CSMD1: variants seen among roughly 807,000 people sequenced by gnomAD.
The protein encoded by CSMD1 is CUB and sushi domain-containing protein 1.
Under a neutral mutation model 417.5 loss-of-function variants are expected in CSMD1, and 213 were observed. That is an observed-to-expected ratio of 0.51 (90% CI 0.46 to 0.57). The LOEUF is 0.57. Ranked by LOEUF, CSMD1 falls within the 20% of genes least tolerant of loss-of-function variation. CSMD1 has a pLI of 0.00. For missense variants in CSMD1, 6,923 were observed against 4,529.7 expected, an observed-to-expected ratio of 1.53 and a Z score of -15.17; for synonymous variants, 2,862 against 1,736.8, an observed-to-expected ratio of 1.65 and a Z score of -16.11.
intron 2 of CSMD1, among the ~76,000 whole-genome samples, chr8:4,424,387 A>G (rs1020037435): frequency 3.4e-5 from 5 of 147,606 alleles, no homozygotes; most frequent in Non-Finnish European, 7.4e-5. Context: ...ACAAGCAGAA[A>G]AGTCAGGTGA....
chr8:4,017,960 G>A lies in CSMD1; in HGVS notation c.610+13945C>T, dbSNP rs576165803. Among the ~76,000 whole-genome samples the A allele has an allele frequency of 7.2e-5, 11 of 152,210 alleles. No individual in the cohort carries two copies. The East Asian group carries it at 1.4e-3, about 19-fold the overall frequency. On this transcript the variant is annotated intron_variant, in intron 4 of 69. Coordinates refer to ENST00000635120, the MANE Select transcript of CSMD1 (RefSeq NM_033225.6). ...GTTGCACACAATGGGCAACTATAGC[G>A]GCATGCATTTATACATGTTGCATTT...
chr8:3,262,212 T>C (rs1213661591), intron 26 of CSMD1, among the ~76,000 whole-genome samples: 7 of 101,774 alleles, frequency 6.9e-5, no homozygotes, highest in African/African-American at 2.4e-4. Flanking sequence ...TATATATATA[T>C]ATATATATAT....
chr8:4,609,436 G>A (rs1447926570), intron 2 of CSMD1, among the ~76,000 whole-genome samples: 1 of 152,052 alleles, frequency 6.6e-6, no homozygotes, highest in Non-Finnish European at 1.5e-5. Flanking sequence ...ATGATCTAAA[G>A]CCTCATTCCT....
At chr8:3,050,027 T>C (rs533087832) in intron 50 of CSMD1, among the ~76,000 whole-genome samples, 5 of 151,754 alleles carry the variant, frequency 3.3e-5, no homozygotes, top group Admixed American at 1.3e-4. Context: ...CTTTCTCAGA[T>C]AGTATACAAA....
chr8:3,936,176 G>A (rs577466612), intron 5 of CSMD1, among the ~76,000 whole-genome samples: 6 of 76,610 alleles, frequency 7.8e-5, no homozygotes, highest in African/African-American at 1.9e-4. Context: ...TCAGTTCATA[G>A]GGTTTAAGAA....
At chr8:4,291,160 A>G (rs192477566) in intron 3 of CSMD1, among the ~76,000 whole-genome samples, 42 of 152,246 alleles carry the variant, frequency 2.8e-4, no homozygotes, top group Middle Eastern at 3.4e-3. Context: ...GGGATTATCT[A>G]TATTCTCTTT....
At chr8:4,718,208 C>A (rs1269954759) in intron 1 of CSMD1, among the ~76,000 whole-genome samples, 1 of 152,138 alleles carries the variant, frequency 6.6e-6, no homozygotes, top group Non-Finnish European at 1.5e-5. Context: ...AACTCCTGGG[C>A]TTAAGTGATT....
intron 2 of CSMD1, among the ~76,000 whole-genome samples, chr8:4,598,900 G>C (rs1180073054): frequency 2.0e-5 from 3 of 151,456 alleles, no homozygotes; most frequent in Admixed American, 6.6e-5. Context: ...TTTTTTCCTA[G>C]AGTCAGTGAA....
At chr8:4,026,901 G>C (rs912651799) in intron 4 of CSMD1, among the ~76,000 whole-genome samples, 1 of 151,562 alleles carries the variant, frequency 6.6e-6, no homozygotes, top group Non-Finnish European at 1.5e-5. Context: ...GCTGCTGAGC[G>C]AATTCTTTAA....
intron 18 of CSMD1, among the ~76,000 whole-genome samples, chr8:3,378,185 C>A (rs1394562629): frequency 6.6e-6 from 1 of 152,196 alleles, no homozygotes; most frequent in Non-Finnish European, 1.5e-5. Flanking sequence ...AGAAAATAGT[C>A]TTGGCTAAAC....
chr8:3,643,429 G>A (rs890796545), intron 7 of CSMD1, among the ~76,000 whole-genome samples: 1 of 151,722 alleles, frequency 6.6e-6, no homozygotes, highest in South Asian at 2.1e-4. Flanking sequence ...TGGGCCGGAC[G>A]CCGTGGCTCA....
chr8:4,082,633 C>T (rs865973411), intron 3 of CSMD1, among the ~76,000 whole-genome samples: 2 of 151,932 alleles, frequency 1.3e-5, no homozygotes, highest in African/African-American at 4.8e-5. Context: ...TATTATTACA[C>T]TTTAACTTTT....
At chr8:4,520,122 T>C (rs1404464628) in intron 2 of CSMD1, among the ~76,000 whole-genome samples, 1 of 152,204 alleles carries the variant, frequency 6.6e-6, no homozygotes, top group Non-Finnish European at 1.5e-5. Flanking sequence ...TATTTATACA[T>C]TCATCTGAAA....
chr8:4,985,661 C>G (rs1198371387), intron 1 of CSMD1, among the ~76,000 whole-genome samples: 1 of 152,204 alleles, frequency 6.6e-6, no homozygotes, highest in Non-Finnish European at 1.5e-5. Context: ...AACAAGATGA[C>G]TATTCTCACC....
At chr8:3,730,103 T>C (rs1802754797) in intron 6 of CSMD1, among the ~76,000 whole-genome samples, 1 of 152,104 alleles carries the variant, frequency 6.6e-6, no homozygotes, top group African/African-American at 2.4e-5. Context: ...ACTTTCCCGT[T>C]TGCAAAAGTA....
intron 1 of CSMD1, among the ~76,000 whole-genome samples, chr8:4,952,577 C>G (rs1808824748): frequency 6.6e-6 from 1 of 151,716 alleles, no homozygotes; most frequent in South Asian, 2.1e-4. Flanking sequence ...TAAAATTATC[C>G]ACACTATGAT....
chr8:4,085,148 A>T (rs1220410013), intron 3 of CSMD1, among the ~76,000 whole-genome samples: 2 of 152,168 alleles, frequency 1.3e-5, no homozygotes, highest in Non-Finnish European at 2.9e-5. Flanking sequence ...CCGGCCTTGA[A>T]GGCGTCACCA....
chr8:3,908,165 G>A (rs1808233554), intron 5 of CSMD1, among the ~76,000 whole-genome samples: 2 of 152,108 alleles, frequency 1.3e-5, no homozygotes, highest in Non-Finnish European at 2.9e-5. Context: ...CTGCATTTAT[G>A]CATCAATGAC....
chr8:4,910,889 T>C (rs1045029673), intron 1 of CSMD1, among the ~76,000 whole-genome samples: 1 of 152,184 alleles, frequency 6.6e-6, no homozygotes, highest in African/African-American at 2.4e-5. Context: ...CCATGTGTTG[T>C]GAAAGGGACC....
Sources: gnomAD v4.1 joint callset for allele counts (sites outside exome capture counted in the v4.1 genomes callset) on GRCh38, gnomAD v4.1.1 for gene constraint, MANE v1.5 for transcripts, NCBI Gene and HGNC (gene_info 2026-07-23, HGNC 2026-07-21) for gene names.